Variants in PKHD1L1 observed in about 807,000 individuals in gnomAD.
The protein encoded by PKHD1L1 is fibrocystin-L.
In PKHD1L1, 434 loss-of-function variants were observed where a neutral mutation model predicts 462.9. The ratio of observed to expected loss-of-function variants is 0.94; its 90% CI spans 0.87 to 1.02. The LOEUF is 1.02. Ranked by LOEUF, PKHD1L1 falls within the 50% of genes least tolerant of loss-of-function variation. The pLI is 0.00. For synonymous variants in PKHD1L1, 1,781 were observed against 1,750.0 expected (o/e 1.02, Z -0.44); for missense variants, 5,202 against 5,096.1 (o/e 1.02, Z -0.63).
In PKHD1L1 at chr8:109,406,480, T is replaced by C. The variant is rs1177635182; in HGVS notation, c.1813+2T>C. The stretch of plus-strand genomic sequence containing the variant: ...TGGTAACATTCATATCAACTAGAGG[T>C]AAGCATGTACTTAATTTTGTACTTC... On this transcript the variant is annotated splice_donor_variant, in intron 17 of 77. Coordinates refer to ENST00000378402, the MANE Select transcript of PKHD1L1 (RefSeq NM_177531.6). LOFTEE classifies it high-confidence loss of function. The C allele has an allele frequency of 5.0e-6, 8 of 1,592,656 alleles. No individual in the cohort carries two copies. Among genetic ancestry groups the C allele is most frequent in the Non-Finnish European group, 6.8e-6 (8 of 1,169,966 alleles).
At position 109,510,767 on chromosome 8, in the gene PKHD1L1, A is replaced by C; in HGVS notation, c.11396-10A>C. The C allele has an allele frequency of 6.2e-7, 1 of 1,608,020 alleles. No homozygotes were observed. Among genetic ancestry groups the C allele is most frequent in the Non-Finnish European group, 8.5e-7 (1 of 1,177,670 alleles). ...ATAGGAGTATGCACTTTCATTTTGC[A>C]TGGATTTAGGCCCACAGGATCATGG... is the stretch of plus-strand genomic sequence containing the variant. On this transcript the variant is annotated splice_polypyrimidine_tract_variant and intron_variant, in intron 70 of 77. Coordinates refer to ENST00000378402, the MANE Select transcript of PKHD1L1 (RefSeq NM_177531.6).
In PKHD1L1 at chr8:109,533,739, C is replaced by T. The variant is rs1237965046; in HGVS notation, c.*3649C>T. Among the ~76,000 whole-genome samples, 1 of 151,990 alleles carries T rather than the reference C, an allele frequency of 6.6e-6. No homozygotes were observed. The highest frequency in any genetic ancestry group is 1.5e-5 in the Non-Finnish European group (1 of 68,022). On this transcript the variant is annotated 3_prime_UTR_variant, in exon 78 of 78. Coordinates refer to ENST00000378402, the MANE Select transcript of PKHD1L1 (RefSeq NM_177531.6). Reference sequence around the variant, plus strand: ...GCCAGTGCCTTTTATTGCTCCATAACTTGTGTTAGAAAATCTCCTTACTAA... The same window carrying T: ...GCCAGTGCCTTTTATTGCTCCATAATTTGTGTTAGAAAATCTCCTTACTAA...
At chr8:109,438,498 T>G in intron 31 of PKHD1L1, 42 bp downstream of exon 31, 2 of 1,480,766 alleles carry the variant, frequency 1.4e-6, no homozygotes, top group Non-Finnish European at 1.8e-6. Context: ...GTCCTATGTA[T>G]AAAAAACATT....
chr8:109,471,714 G>A (rs1783151), intron 50 of PKHD1L1, among the ~76,000 whole-genome samples: 76,380 of 151,996 alleles, frequency 0.5, 19,470 homozygotes, highest in South Asian at 0.68. Flanking sequence ...TGTTCTTAAT[G>A]AAACTCATTC....
intron 65 of PKHD1L1, among the ~76,000 whole-genome samples, chr8:109,497,570 G>A (rs1819175061): frequency 6.6e-6 from 1 of 151,764 alleles, no homozygotes; most frequent in Non-Finnish European, 1.5e-5. Context: ...AGGACTACAG[G>A]TGCCCGCCAC....
chr8:109,496,855 G>A, intron 63 of PKHD1L1, 64 bp from the exon 64 acceptor site: 2 of 1,484,240 alleles, frequency 1.3e-6, no homozygotes, highest in Non-Finnish European at 1.8e-6. Context: ...AACTGATACT[G>A]CTTATTAAAA....
At chr8:109,374,149 G>C (rs1209633559) in intron 2 of PKHD1L1, among the ~76,000 whole-genome samples, 2 of 152,230 alleles carry the variant, frequency 1.3e-5, no homozygotes, top group East Asian at 3.9e-4. Flanking sequence ...TCTCTCTTTA[G>C]GTCTCTCAGG....
rs2130988715 is a variant in PKHD1L1, at chr8:109,510,944, G to A, written c.11553+10G>A. ...TGTTGATCATAACAAGGTAGGGCAA[G>A]ATGTCTTAAGAGTAATTGCTGTTGA... On this transcript the variant is annotated intron_variant, in intron 71 of 77. Transcript: ENST00000378402. 6.2e-7 allele frequency: 1 copy of A among 1,610,826 alleles called. No homozygotes were observed. The highest frequency in any genetic ancestry group is 8.5e-7 in the Non-Finnish European group (1 of 1,178,214).
Position 109,526,948 on chromosome 8 carries a change from A to C in PKHD1L1, c.12649A>C (p.Ser4217Arg). Residue 4217 changes from serine (S) to arginine (R), a missense_variant, in exon 77 of 78, where the codon AGC becomes CGC. This residue lies in a region of PKHD1L1 where 698 missense variants were observed against 736.3 expected (regional missense o/e 0.95). Coordinates refer to ENST00000378402, the MANE Select transcript of PKHD1L1 (RefSeq NM_177531.6). ...TGCCCAGATAATGACTGTAGTAATT[A>C]GCTGTCTGGTTGGAAGAATGTGGCT... ...TYAQIMTVVISCLVGRMWLLE... is the reference protein window; with the variant it reads ...TYAQIMTVVIRCLVGRMWLLE... 4.3e-6 allele frequency: 7 copies of C among 1,613,892 alleles called. No individual in the cohort carries two copies. The highest frequency in any genetic ancestry group is 5.9e-6 in the Non-Finnish European group (7 of 1,179,848).
Position 109,498,766 on chromosome 8 carries a change from T to C in PKHD1L1, c.10823T>C (p.Ile3608Thr). The part of the protein sequence containing the change: ...SYNAISGLLD[I>T]SGSTFVGFKN... Reference sequence around the variant, plus strand: ...AATGCCATCAGTGGCCTTTTGGACATCTCAGGCAAGTACACAGTCTTTTAC... The same window carrying C: ...AATGCCATCAGTGGCCTTTTGGACACCTCAGGCAAGTACACAGTCTTTTAC... The change falls in exon 67 of 78, where the codon ATC (isoleucine) becomes ACC (threonine). Residue 3608 changes from isoleucine (I) to threonine (T), a missense_variant. This residue lies in a region of PKHD1L1 where 4,497 missense variants were observed against 4,336.8 expected (regional missense o/e 1.04). Transcript: ENST00000378402. 6.2e-7 allele frequency: 1 copy of C among 1,605,226 alleles called. No homozygotes were observed. The highest frequency in any genetic ancestry group is 8.5e-7 in the Non-Finnish European group (1 of 1,172,324).
intron 37 of PKHD1L1, 101 bp downstream of exon 37, chr8:109,444,003 T>G: frequency 1.0e-6 from 1 of 992,388 alleles, no homozygotes; most frequent in Non-Finnish European, 1.5e-6. Context: ...TTTATTGAGC[T>G]ATATCACATA....
chr8:109,417,629 C>T (rs1188375179), intron 21 of PKHD1L1, among the ~76,000 whole-genome samples: 1 of 152,024 alleles, frequency 6.6e-6, no homozygotes, highest in Non-Finnish European at 1.5e-5. Context: ...CTGCAACCTC[C>T]ACCTCCCAGG....
chr8:109,385,664 C>A (rs762718898), intron 6 of PKHD1L1, 34 bp downstream of exon 6: 2 of 1,323,678 alleles, frequency 1.5e-6, no homozygotes, highest in Admixed American at 3.9e-5. Context: ...ATTCTTATAA[C>A]TCATAAATGA....
intron 63 of PKHD1L1, among the ~76,000 whole-genome samples, chr8:109,496,633 C>A (rs896558338): frequency 2.6e-5 from 4 of 152,162 alleles, no homozygotes; most frequent in African/African-American, 9.7e-5. Context: ...TGGGGCATGC[C>A]TGTAGTCCCA....
chr8:109,375,393 G>T (rs1364280263), intron 2 of PKHD1L1, among the ~76,000 whole-genome samples: 3 of 151,944 alleles, frequency 2.0e-5, no homozygotes, highest in African/African-American at 7.3e-5. Context: ...ATTCTAGTTA[G>T]CCATTCGTCT....
chr8:109,514,878 G>A (rs989043420), intron 71 of PKHD1L1, among the ~76,000 whole-genome samples: 1 of 151,968 alleles, frequency 6.6e-6, no homozygotes, highest in African/African-American at 2.4e-5. Context: ...AGCCTGTATT[G>A]TTCTTTGTTG....
intron 49 of PKHD1L1, among the ~76,000 whole-genome samples, chr8:109,466,122 A>G (rs942621597): frequency 6.6e-6 from 1 of 152,234 alleles, no homozygotes; most frequent in African/African-American, 2.4e-5. Flanking sequence ...TGTTTCAAGT[A>G]TAATCGTAAC....
intron 2 of PKHD1L1, among the ~76,000 whole-genome samples, chr8:109,378,501 C>G (rs1189102817): frequency 6.6e-6 from 1 of 152,218 alleles, no homozygotes; most frequent in East Asian, 1.9e-4. Context: ...ATTTCTTCTA[C>G]TAAAAATGCA....
chr8:109,507,357 CA>C (rs1233364444), intron 68 of PKHD1L1, among the ~76,000 whole-genome samples: 1 of 152,010 alleles, frequency 6.6e-6, no homozygotes, highest in African/African-American at 2.4e-5. Flanking sequence ...GAACAATGCA[CA>C]AATAAGAAAT....
Sources: allele counts gnomAD v4.1 joint callset (sites outside exome capture counted in the v4.1 genomes callset), GRCh38; gene constraint gnomAD v4.1.1; regional missense constraint gnomAD v4.1.1; transcripts MANE v1.5; gene names NCBI Gene and HGNC (gene_info 2026-07-23, HGNC 2026-07-21).